WBP2NL: variants seen among roughly 807,000 people sequenced by gnomAD.
WBP2NL encodes postacrosomal sheath WW domain-binding protein.
WBP2NL carries 27 observed loss-of-function variants against 23.3 expected under a neutral mutation model. The observed-to-expected ratio is 1.16, with a 90% confidence interval of 0.85 to 1.60. WBP2NL has a LOEUF of 1.60. Ranked by LOEUF, WBP2NL falls within the 40% of genes most tolerant of loss-of-function variation. The pLI is 0.00. For missense variants in WBP2NL, 370 were observed against 389.5 expected (o/e 0.95, Z 0.42); for synonymous variants, 151 against 145.9 (o/e 1.03, Z -0.25).
At chr22:42,017,920 G>A (rs962947589) in intron 1 of WBP2NL, among the ~76,000 whole-genome samples, 6 of 151,908 alleles carry the variant, frequency 3.9e-5, no homozygotes, top group East Asian at 1.9e-4. Flanking sequence ...AGGTCGAGGC[G>A]GGCGGATCAC....
chr22:42,040,936 T>C (rs946494757), intron 8 of WBP2NL, among the ~76,000 whole-genome samples: 6 of 151,714 alleles, frequency 4.0e-5, no homozygotes, highest in Non-Finnish European at 8.8e-5. Context: ...TATAGTGTTA[T>C]TCAAATCAGT....
intron 1 of WBP2NL, chr22:42,000,990 C>T (rs1481617907): frequency 4.0e-6 from 2 of 504,550 alleles, no homozygotes; most frequent in East Asian, 3.7e-5. Flanking sequence ...GAGACTCCGT[C>T]TCAAAAAAAA....
intron 8 of WBP2NL, among the ~76,000 whole-genome samples, chr22:42,054,651 C>T (rs1925965758): frequency 2.0e-5 from 3 of 148,832 alleles, no homozygotes; most frequent in Admixed American, 6.7e-5. Flanking sequence ...ATGTGGATAT[C>T]TAGTTGTCCC....
chr22:42,020,862 GTGTGTGTATATATA>G (rs1263587669), intron 4 of WBP2NL, among the ~76,000 whole-genome samples: 156 of 33,942 alleles, frequency 4.6e-3, no homozygotes, highest in African/African-American at 0.012. Context: ...ATGTGTGTGT[GTGTGTGTATATATA>G]TATATATATA....
chr22:42,006,248 T>C (rs1279316993), intron 1 of WBP2NL, among the ~76,000 whole-genome samples: 1 of 148,200 alleles, frequency 6.7e-6, no homozygotes, highest in South Asian at 2.1e-4. Context: ...CGAGACGGAG[T>C]CTCGCTCTGT....
chr22:42,017,759 C>T (rs553498827), intron 1 of WBP2NL, among the ~76,000 whole-genome samples: 2 of 152,174 alleles, frequency 1.3e-5, no homozygotes, highest in East Asian at 3.9e-4. Context: ...TTCCTGTAGT[C>T]CTAGCACATT....
intron 1 of WBP2NL, among the ~76,000 whole-genome samples, chr22:42,014,102 G>A (rs934041799): frequency 6.6e-6 from 1 of 151,142 alleles, no homozygotes; most frequent in African/African-American, 2.4e-5. Flanking sequence ...TAAATTTTTA[G>A]TAGAGGTGAG....
At chr22:42,015,085 TGTA>T (rs1923183750) in intron 1 of WBP2NL, among the ~76,000 whole-genome samples, 2 of 152,260 alleles carry the variant, frequency 1.3e-5, no homozygotes, top group Admixed American at 1.3e-4. Flanking sequence ...AATATTTTAA[TGTA>T]GTAACTCTGG....
intron 5 of WBP2NL, among the ~76,000 whole-genome samples, chr22:42,026,233 C>T (rs1410310755): frequency 6.6e-6 from 1 of 150,966 alleles, no homozygotes; most frequent in African/African-American, 2.4e-5. Flanking sequence ...GATCGCGCCA[C>T]TGCACTCCAG....
intron 8 of WBP2NL, among the ~76,000 whole-genome samples, chr22:42,043,016 GAAAAAA>G (rs59812729): frequency 3.6e-5 from 2 of 55,398 alleles, no homozygotes; most frequent in East Asian, 6.2e-4. Flanking sequence ...AGTGAGCCAA[GAAAAAA>G]AAAAAAAAAA....
At chr22:42,037,029 T>A (rs971326228), downstream of WBP2NL, among the ~76,000 whole-genome samples, 1 of 152,148 alleles carries the variant, frequency 6.6e-6, no homozygotes, top group Non-Finnish European at 1.5e-5. Flanking sequence ...GTTTTCCCAA[T>A]GTTTTCTTCG....
chr22:42,013,781 T>C (rs934064723), intron 1 of WBP2NL, among the ~76,000 whole-genome samples: 1 of 151,968 alleles, frequency 6.6e-6, no homozygotes, highest in Non-Finnish European at 1.5e-5. Context: ...GACTAAATTT[T>C]TAATTTTTTT....
At chr22:42,019,206 G>A (rs1396674507) in intron 1 of WBP2NL, 105 bp from the exon 2 acceptor site, 7 of 1,032,004 alleles carry the variant, frequency 6.8e-6, no homozygotes, top group Non-Finnish European at 8.6e-6. Flanking sequence ...GGGCAACAGA[G>A]TAAGACTCTG....
intron 1 of WBP2NL, chr22:42,001,658 T>G: frequency 1.7e-6 from 2 of 1,194,086 alleles, no homozygotes; most frequent in Non-Finnish European, 2.5e-6. Context: ...GGATCTCTTG[T>G]CCACACCATC....
At chr22:42,007,448 T>C (rs771181076) in intron 1 of WBP2NL, among the ~76,000 whole-genome samples, 18 of 152,212 alleles carry the variant, frequency 1.2e-4, no homozygotes, top group Non-Finnish European at 2.5e-4. Context: ...AATACACTTA[T>C]TGCAGAATTG....
At chr22:42,007,224 TTTTG>T (rs1337639106) in intron 1 of WBP2NL, among the ~76,000 whole-genome samples, 2 of 152,204 alleles carry the variant, frequency 1.3e-5, no homozygotes, top group South Asian at 2.1e-4. Context: ...TTGTTTTGTT[TTTTG>T]TTTGTTTGTG....
chr22:42,033,102 G>C (rs1226195011), downstream of WBP2NL, among the ~76,000 whole-genome samples: 1 of 152,112 alleles, frequency 6.6e-6, no homozygotes. Context: ...AAGGGAGATT[G>C]CATGGAGTGA....
At chr22:42,022,968 T>C (rs1351132697) in intron 5 of WBP2NL, among the ~76,000 whole-genome samples, 1 of 152,206 alleles carries the variant, frequency 6.6e-6, no homozygotes, top group African/African-American at 2.4e-5. Flanking sequence ...TTTGTAACCT[T>C]AATAGGTACC....
intron 1 of WBP2NL, among the ~76,000 whole-genome samples, chr22:42,005,566 C>T (rs2146757749): frequency 6.6e-6 from 1 of 152,252 alleles, no homozygotes; most frequent in East Asian, 1.9e-4. Flanking sequence ...AGACCATCCA[C>T]ATTAATTTGT....
Sources: allele counts gnomAD v4.1 joint callset (sites outside exome capture counted in the v4.1 genomes callset), GRCh38; gene constraint gnomAD v4.1.1; transcripts MANE v1.5; gene names NCBI Gene and HGNC (gene_info 2026-07-23, HGNC 2026-07-21).